SEMA5A: variants seen among roughly 807,000 people sequenced by gnomAD.
SEMA5A encodes semaphorin-5A.
SEMA5A carries 55 observed loss-of-function variants against 135.5 expected under a neutral mutation model. The ratio of observed to expected loss-of-function variants is 0.41; its 90% confidence interval spans 0.33 to 0.51. The LOEUF (loss-of-function observed/expected upper bound fraction) is 0.51. Among genes scored for constraint, SEMA5A ranks in the 20% least tolerant of loss-of-function variants. The pLI is 0.37. For synonymous variants in SEMA5A, 580 were observed against 546.5 expected, an observed-to-expected ratio of 1.06 and a Z score of -0.85; for missense variants, 1,290 against 1,419.9, an observed-to-expected ratio of 0.91 and a Z score of 1.47.
rs1035700638 is a variant in SEMA5A at position 9,540,895 on chromosome 5, G to T, written c.-175+4689C>A. Among the ~76,000 whole-genome samples, 117 of 152,272 alleles carry T rather than the reference G, an allele frequency of 7.7e-4. 1 individual carries two copies. Among genetic ancestry groups the T allele is most frequent in the African/African-American group, 2.7e-3 (111 of 41,562 alleles). ...TACAGAAAGAAAAGCTCTTTGTGTGGAATTTTATTTGAAGTCACTTTGTGA... is the reference window on the plus strand; with the variant it reads ...TACAGAAAGAAAAGCTCTTTGTGTGTAATTTTATTTGAAGTCACTTTGTGA... On this transcript the variant is annotated intron_variant, in intron 1 of 22. Coordinates refer to ENST00000382496, the MANE Select transcript of SEMA5A (RefSeq NM_003966.3).
chr5:9,513,189 A>G (rs1171093650), intron 1 of SEMA5A, among the ~76,000 whole-genome samples: 5 of 151,668 alleles, frequency 3.3e-5, no homozygotes, highest in Non-Finnish European at 7.4e-5. Flanking sequence ...TTTTTTAAAA[A>G]GAATCACACA....
At chr5:9,159,887 A>G (rs1245434836) in intron 11 of SEMA5A, among the ~76,000 whole-genome samples, 1 of 152,192 alleles carries the variant, frequency 6.6e-6, no homozygotes, top group Non-Finnish European at 1.5e-5. Flanking sequence ...AAGCAATAAG[A>G]TCACGTCCTT....
intron 8 of SEMA5A, among the ~76,000 whole-genome samples, chr5:9,220,464 A>G (rs1373655919): frequency 6.6e-6 from 1 of 151,436 alleles, no homozygotes; most frequent in Non-Finnish European, 1.5e-5. Flanking sequence ...AAGAAAAAAC[A>G]ACAAAAAAAC....
At chr5:9,147,782 G>A (rs1742423181) in intron 12 of SEMA5A, among the ~76,000 whole-genome samples, 1 of 148,760 alleles carries the variant, frequency 6.7e-6, no homozygotes, top group South Asian at 2.1e-4. Context: ...TTTTGCTACT[G>A]TATGATATTG....
At chr5:9,473,433 AGACCCTGGTTCTGT>A (rs1218679873) in intron 1 of SEMA5A, among the ~76,000 whole-genome samples, 1 of 145,636 alleles carries the variant, frequency 6.9e-6, no homozygotes, top group African/African-American at 2.5e-5. Context: ...AAGCCCATGT[AGACCCTGGTTCTGT>A]GACCCTGGTT....
chr5:9,149,203 G>A (rs1478390139), intron 12 of SEMA5A, among the ~76,000 whole-genome samples: 1 of 152,172 alleles, frequency 6.6e-6, no homozygotes, highest in Non-Finnish European at 1.5e-5. Context: ...GTCTATGGCT[G>A]CTTTCACACT....
In SEMA5A at chr5:9,039,641, A is replaced by G. The variant is rs1735851591; in HGVS notation, c.*3256T>C. The G allele has an allele frequency of 6.6e-6, 1 of 152,316 alleles. No homozygotes were observed. Among genetic ancestry groups the G allele is most frequent in the Admixed American group, 6.5e-5 (1 of 15,288 alleles). 9.4% of individuals were successfully genotyped at this position (152,316 alleles called of 1,614,324 possible). ...CCTCATGTAAGTCACAAGAAGCAGC[A>G]GCATAGAAATATGCTCAGAGGGGAA... On this transcript the variant is annotated 3_prime_UTR_variant, in exon 23 of 23. Coordinates refer to ENST00000382496, the MANE Select transcript of SEMA5A (RefSeq NM_003966.3).
At chr5:9,162,084 T>C (rs145445441) in intron 11 of SEMA5A, among the ~76,000 whole-genome samples, 431 of 152,356 alleles carry the variant, frequency 2.8e-3, no homozygotes, top group Admixed American at 4.7e-3. Flanking sequence ...TCACGACCAT[T>C]AGAAAAGGTT....
At chr5:9,463,204 C>A (rs1364915913) in intron 1 of SEMA5A, among the ~76,000 whole-genome samples, 1 of 152,090 alleles carries the variant, frequency 6.6e-6, no homozygotes, top group Non-Finnish European at 1.5e-5. Flanking sequence ...ACAGTGAAAG[C>A]GTTCTCAAGT....
intron 15 of SEMA5A, among the ~76,000 whole-genome samples, chr5:9,113,945 A>T (rs1439880357): frequency 6.6e-6 from 1 of 152,232 alleles, no homozygotes; most frequent in Non-Finnish European, 1.5e-5. Context: ...TCACTCCTAG[A>T]TATACAGTAT....
intron 1 of SEMA5A, chr5:9,511,217 C>T (rs1229025400): frequency 2.6e-5 from 4 of 152,072 alleles, no homozygotes; most frequent in Non-Finnish European, 5.9e-5. Context: ...CTACATAGTC[C>T]TTCTACAGCT....
intron 3 of SEMA5A, among the ~76,000 whole-genome samples, chr5:9,366,451 C>T (rs535107099): frequency 3.3e-5 from 5 of 151,176 alleles, no homozygotes; most frequent in South Asian, 2.1e-4. Flanking sequence ...TGCAGTGGTG[C>T]GATCTCGGCT....
At chr5:9,155,862 T>C (rs1161770458) in intron 11 of SEMA5A, among the ~76,000 whole-genome samples, 1 of 152,264 alleles carries the variant, frequency 6.6e-6, no homozygotes, top group Non-Finnish European at 1.5e-5. Context: ...AGCCTGAATT[T>C]ACTTTAAAAA....
At chr5:9,515,623 CA>C (rs1373130479) in intron 1 of SEMA5A, among the ~76,000 whole-genome samples, 1 of 152,168 alleles carries the variant, frequency 6.6e-6, no homozygotes, top group African/African-American at 2.4e-5. Flanking sequence ...TATGTTCTGT[CA>C]CACCCCGGCC....
chr5:9,468,170 G>T (rs1285465045), intron 1 of SEMA5A, among the ~76,000 whole-genome samples: 1 of 152,200 alleles, frequency 6.6e-6, no homozygotes, highest in Non-Finnish European at 1.5e-5. Context: ...AGACTCTCAT[G>T]ATTCAGAACA....
At position 9,037,336 on chromosome 5, in the gene SEMA5A, G is replaced by A. The variant is rs1398641589; in HGVS notation, c.*5561C>T. The A allele has an allele frequency of 6.6e-6, 1 of 152,208 alleles. No homozygotes were observed. The highest frequency in any genetic ancestry group is 1.5e-5 in the Non-Finnish European group (1 of 68,044). 9.4% of individuals were successfully genotyped at this position (152,208 alleles called of 1,614,324 possible). On this transcript the variant is annotated 3_prime_UTR_variant, in exon 23 of 23. Transcript: ENST00000382496. ...TAATATGATCCATCAAAAAGGCTGT[G>A]TTTTGAGACAGCTTTCACTAGGAAG...
intron 1 of SEMA5A, among the ~76,000 whole-genome samples, chr5:9,531,462 T>G (rs1051669205): frequency 7.2e-5 from 11 of 152,176 alleles, no homozygotes; most frequent in African/African-American, 2.7e-4. Flanking sequence ...GCATGTACCT[T>G]TGAAGCTTCC....
intron 13 of SEMA5A, among the ~76,000 whole-genome samples, chr5:9,135,243 C>T (rs1322547501): frequency 3.4e-5 from 5 of 148,472 alleles, no homozygotes; most frequent in Middle Eastern, 3.5e-3. Context: ...TGCAGTGGCA[C>T]GATCTCGGCT....
chr5:9,515,270 T>C (rs1178157177), intron 1 of SEMA5A, among the ~76,000 whole-genome samples: 1 of 152,088 alleles, frequency 6.6e-6, no homozygotes, highest in Non-Finnish European at 1.5e-5. Flanking sequence ...AGATCAAAAT[T>C]CAAAATTTAA....
Sources: allele counts gnomAD v4.1 joint callset (sites outside exome capture counted in the v4.1 genomes callset), GRCh38; gene constraint gnomAD v4.1.1; transcripts MANE v1.5; gene names NCBI Gene and HGNC (gene_info 2026-07-23, HGNC 2026-07-21).